Variants in ACACA observed in about 807,000 individuals in gnomAD.
The protein encoded by ACACA is acetyl-CoA carboxylase alpha.
Under a neutral mutation model 296.1 loss-of-function variants are expected in ACACA, and 103 were observed. The observed-to-expected ratio is 0.35, with a 90% CI of 0.30 to 0.41. The LOEUF (loss-of-function observed/expected upper bound fraction) is 0.41. Ranked by LOEUF, ACACA falls within the 10% of genes least tolerant of loss-of-function variation. ACACA has a pLI of 1.00. For missense variants in ACACA, 1,554 were observed against 2,989.7 expected, an observed-to-expected ratio of 0.52 and a Z score of 11.20; for synonymous variants, 953 against 1,038.6, an observed-to-expected ratio of 0.92 and a Z score of 1.58.
Position 37,235,221 on chromosome 17 carries a change from T to C in ACACA, c.3122-122A>G, listed in dbSNP as rs1249269518. On this transcript the variant is annotated intron_variant, in intron 24 of 55. Coordinates refer to ENST00000616317, the MANE Select transcript of ACACA (RefSeq NM_198834.3). Reference sequence around the variant, plus strand: ...GTGAGAAGAAACATCATAAGGATTTTCTTGGATGGATTTGTACAGAAACTG... The same window carrying C: ...GTGAGAAGAAACATCATAAGGATTTCCTTGGATGGATTTGTACAGAAACTG... The C allele has an allele frequency of 3.9e-6, 5 of 1,288,382 alleles. No homozygotes were observed. The East Asian group carries it at 1.2e-4, about 30-fold the overall frequency. The allele number at this position is 1,288,382 out of a possible 1,614,324, so 79.8% of individuals were successfully genotyped here.
At chr17:37,111,817 C>G (rs2073986537) in intron 51 of ACACA, among the ~76,000 whole-genome samples, 174 bp from the exon 52 acceptor site, 1 of 152,098 alleles carries the variant, frequency 6.6e-6, no homozygotes. Flanking sequence ...AGAGAAGTGT[C>G]TAAGTGAGGT....
intron 41 of ACACA, among the ~76,000 whole-genome samples, chr17:37,174,011 TA>T (rs1195010305): frequency 5.1e-3 from 87 of 17,212 alleles, no homozygotes; most frequent in East Asian, 8.7e-3. Context: ...TATATATATA[TA>T]TATATATATT....
At chr17:37,396,728 T>C (rs1041826152) in intron 1 of ACACA, among the ~76,000 whole-genome samples, 2 of 152,120 alleles carry the variant, frequency 1.3e-5, no homozygotes, top group Non-Finnish European at 2.9e-5. Context: ...AAGAAATCTT[T>C]TTATTTTTTG....
chr17:37,198,525 A>C (rs929997571), intron 35 of ACACA, among the ~76,000 whole-genome samples: 28 of 152,162 alleles, frequency 1.8e-4, no homozygotes, highest in African/African-American at 6.8e-4. Flanking sequence ...ATTCTATCCC[A>C]AAGTATCAAT....
chr17:37,133,000 C>T (rs1020275695), intron 45 of ACACA, among the ~76,000 whole-genome samples: 3 of 152,180 alleles, frequency 2.0e-5, no homozygotes, highest in African/African-American at 7.2e-5. Context: ...CTACATCTCT[C>T]CTTTCCTATG....
chr17:37,129,544 T>A, intron 46 of ACACA, 59 bp from the exon 47 acceptor site: 1 of 1,608,868 alleles, frequency 6.2e-7, no homozygotes, highest in Non-Finnish European at 8.5e-7. Flanking sequence ...AGACTCCAAC[T>A]CAGCAACAAT....
At chr17:37,379,246 G>A in intron 1 of ACACA, 2 of 1,614,028 alleles carry the variant, frequency 1.2e-6, no homozygotes, top group South Asian at 2.2e-5. Flanking sequence ...TATATTTGGA[G>A]AGAAGGCCAA....
chr17:37,221,994 T>G, intron 28 of ACACA, 152 bp from the exon 29 acceptor site: 1 of 678,626 alleles, frequency 1.5e-6, no homozygotes. Context: ...CATATATTGC[T>G]TTAATTAATA....
intron 18 of ACACA, among the ~76,000 whole-genome samples, 173 bp from the exon 19 acceptor site, chr17:37,247,149 A>G (rs1464440439): frequency 1.3e-5 from 2 of 152,184 alleles, no homozygotes; most frequent in African/African-American, 4.8e-5. Context: ...ATTTCCTTCA[A>G]TAAGGATCAG....
chr17:37,357,770 T>C (rs1389049435), intron 1 of ACACA, among the ~76,000 whole-genome samples: 3 of 152,162 alleles, frequency 2.0e-5, no homozygotes, highest in African/African-American at 7.2e-5. Context: ...ACAATGCTTT[T>C]CTGAAAAGTG....
intron 1 of ACACA, among the ~76,000 whole-genome samples, chr17:37,405,322 C>G (rs769253457): frequency 2.0e-4 from 30 of 152,238 alleles, no homozygotes; most frequent in Middle Eastern, 3.4e-3. Flanking sequence ...ACAGTCTTCC[C>G]TACTATAATA....
intron 32 of ACACA, 45 bp from the exon 33 acceptor site, chr17:37,205,917 A>G: frequency 5.1e-6 from 7 of 1,372,266 alleles, no homozygotes; most frequent in Non-Finnish European, 7.2e-6. Context: ...AGGCTGGCCA[A>G]TACAGATGCA....
Position 37,381,906 on chromosome 17 carries a change from C to T in ACACA, c.38+24356G>A, listed in dbSNP as rs535500106. ...CCTCCCAAAGTGCTGGGATTACAGG[C>T]GTGAGCCACTGCACCCGGCCATGTC... On this transcript the variant is annotated intron_variant, in intron 1 of 55. Transcript: ENST00000616317. Among the ~76,000 whole-genome samples, 382 of 152,246 alleles carry T rather than the reference C, an allele frequency of 2.5e-3. 3 individuals carry two copies. The highest frequency in any genetic ancestry group is 0.015 in the South Asian group (74 of 4,824).
chr17:37,095,964 T>A lies in ACACA; in HGVS notation c.6891+1032A>T, dbSNP rs73982222. 1.1e-3 allele frequency among the ~76,000 whole-genome samples: 172 copies of A among 152,216 alleles called. 1 individual carries two copies. Among genetic ancestry groups the A allele is most frequent in the African/African-American group, 4.1e-3 (169 of 41,552 alleles). The stretch of plus-strand genomic sequence containing the variant: ...TAGAGCACCAAGGACACCATCTCAG[T>A]GGGGTTACTGCTCTAGGTCACGAGC... On this transcript the variant is annotated intron_variant, in intron 54 of 55. Coordinates refer to ENST00000616317, the MANE Select transcript of ACACA (RefSeq NM_198834.3).
intron 55 of ACACA, 132 bp from the exon 56 acceptor site, chr17:37,087,571 G>A: frequency 9.0e-7 from 1 of 1,115,924 alleles, no homozygotes; most frequent in Non-Finnish European, 1.3e-6. Context: ...CACCTTATTT[G>A]TTTCCCTATA....
chr17:37,225,112 T>A lies in ACACA; in HGVS notation c.3361-7A>T. ...AATGGGAGGCAATAAGAACCTAGAG[T>A]GAGAACAAAATAGGAGGCACACATT... On this transcript the variant is annotated splice_polypyrimidine_tract_variant and splice_region_variant and intron_variant, in intron 26 of 55. Coordinates refer to ENST00000616317, the MANE Select transcript of ACACA (RefSeq NM_198834.3). 1 of 1,548,220 alleles carries A rather than the reference T, an allele frequency of 6.5e-7. No individual in the cohort carries two copies.
chr17:37,335,549 T>G (rs1298183139), intron 2 of ACACA, among the ~76,000 whole-genome samples: 1 of 152,026 alleles, frequency 6.6e-6, no homozygotes, highest in Non-Finnish European at 1.5e-5. Flanking sequence ...TCATTCTTAG[T>G]GGCCCCTATG....
intron 3 of ACACA, among the ~76,000 whole-genome samples, chr17:37,312,635 G>A (rs550861365): frequency 2.0e-5 from 3 of 152,282 alleles, no homozygotes; most frequent in Non-Finnish European, 4.4e-5. Context: ...TGTGAAACAG[G>A]GAGAGACTAA....
At chr17:37,240,691 TA>T (rs2080351788) in intron 23 of ACACA, 127 bp from the exon 24 acceptor site, 2 of 720,016 alleles carry the variant, frequency 2.8e-6, no homozygotes, top group South Asian at 3.1e-5. Context: ...AAGAACAGCC[TA>T]AAATGAACTA....
Sources: allele counts gnomAD v4.1 joint callset (sites outside exome capture counted in the v4.1 genomes callset), GRCh38; gene constraint gnomAD v4.1.1; transcripts MANE v1.5; gene names NCBI Gene and HGNC (gene_info 2026-07-23, HGNC 2026-07-21).